OSBPL9: variants seen among roughly 807,000 people sequenced by gnomAD.
OSBPL9 encodes the protein oxysterol binding protein like 9.
In OSBPL9, 40 loss-of-function variants were observed where a neutral mutation model predicts 106.6. The observed-to-expected ratio is 0.38, with a 90% CI of 0.29 to 0.49. The LOEUF is 0.49. Among genes scored for constraint, OSBPL9 ranks in the 20% least tolerant of loss-of-function variants. The pLI, the probability that OSBPL9 is intolerant of heterozygous loss-of-function variation, is 0.97. For synonymous variants in OSBPL9, 269 were observed against 295.4 expected (o/e 0.91, Z 0.92); for missense variants, 609 against 887.2 (o/e 0.69, Z 3.98).
the OSBPL9 span, among the ~76,000 whole-genome samples, chr1:51,557,213 C>T: frequency 6.6e-6 from 1 of 152,170 alleles, no homozygotes; most frequent in South Asian, 2.1e-4. Flanking sequence ...TTACATTACC[C>T]AACCAACCTT....
At position 51,684,814 on chromosome 1, in the gene OSBPL9, G is replaced by A. The variant is rs182930798; in HGVS notation, c.241+15302G>A. On this transcript the variant is annotated intron_variant, in intron 3 of 23. Coordinates refer to ENST00000428468, the MANE Select transcript of OSBPL9 (RefSeq NM_024586.6). Reference sequence around the variant, plus strand: ...CTCCCAAAGTGTTGGGATTATAGGCGTGAGCCACCGCGCCTGGCCAAGAAA... The same window carrying A: ...CTCCCAAAGTGTTGGGATTATAGGCATGAGCCACCGCGCCTGGCCAAGAAA... Among the ~76,000 whole-genome samples, 40 of 152,272 alleles carry A rather than the reference G, an allele frequency of 2.6e-4. No individual in the cohort carries two copies. In the East Asian group the frequency reaches 5.4e-3, roughly 21 times the overall value.
intron 19 of OSBPL9, 40 bp downstream of exon 19, chr1:51,784,367 C>T (rs1410144645): frequency 1.2e-6 from 2 of 1,610,218 alleles, no homozygotes; most frequent in Non-Finnish European, 1.7e-6. Context: ...GTAGACTCTG[C>T]TGTTCCTTGA....
chr1:51,707,999 C>CA, intron 3 of OSBPL9: 2 of 244,844 alleles, frequency 8.2e-6, no homozygotes, highest in South Asian at 1.3e-4. Flanking sequence ...TGGGTGGAGT[C>CA]ATACTGGAAC....
intron 1 of OSBPL9, among the ~76,000 whole-genome samples, chr1:51,645,180 T>G (rs1391646742): frequency 6.6e-6 from 1 of 152,226 alleles, no homozygotes; most frequent in Non-Finnish European, 1.5e-5. Context: ...TGTTATAAAT[T>G]ATGCAGTCTC....
chr1:51,566,881 G>A, the OSBPL9 span, among the ~76,000 whole-genome samples: 1 of 152,240 alleles, frequency 6.6e-6, no homozygotes, highest in Non-Finnish European at 1.5e-5. Flanking sequence ...CATGAGGCCT[G>A]CCCCAGAGGA....
chr1:51,595,375 A>G (rs964466407), intron 1 of OSBPL9, among the ~76,000 whole-genome samples: 1 of 151,864 alleles, frequency 6.6e-6, no homozygotes, highest in Non-Finnish European at 1.5e-5. Context: ...CCTTCCATCC[A>G]TCCATCCTTC....
chr1:51,601,375 C>G (rs750850033), intron 2 of OSBPL9, among the ~76,000 whole-genome samples: 5 of 150,746 alleles, frequency 3.3e-5, no homozygotes, highest in Non-Finnish European at 7.4e-5. Context: ...GACAGTTTGT[C>G]TGTGGTTCTG....
At chr1:51,592,189 A>G (rs1001267094) in intron 1 of OSBPL9, among the ~76,000 whole-genome samples, 2 of 131,216 alleles carry the variant, frequency 1.5e-5, no homozygotes, top group African/African-American at 3.0e-5. Flanking sequence ...ATCTCGGCTC[A>G]CTGCAAGCTC....
At position 51,776,813 on chromosome 1, in the gene OSBPL9, C is replaced by G; in HGVS notation, c.1171-20C>G. On this transcript the variant is annotated intron_variant, in intron 14 of 23. Coordinates refer to ENST00000428468, the MANE Select transcript of OSBPL9 (RefSeq NM_024586.6). ...GAAGAGAAATTTGATCTTCAAGGGT[C>G]AAATGTGTATGTTTTTCAGGTAGTT... 2 of 1,515,648 alleles carry G rather than the reference C, an allele frequency of 1.3e-6. No individual in the cohort carries two copies. Among genetic ancestry groups the G allele is most frequent in the Non-Finnish European group, 1.8e-6 (2 of 1,092,892 alleles). The allele number at this position is 1,515,648 out of a possible 1,614,324, so 93.9% of individuals were successfully genotyped here.
chr1:51,727,847 TTAAA>T (rs1663409730), intron 4 of OSBPL9, among the ~76,000 whole-genome samples: 1 of 151,988 alleles, frequency 6.6e-6, no homozygotes, highest in African/African-American at 2.4e-5. Context: ...CTAAAAAAAT[TTAAA>T]TAAATAACTA....
upstream of OSBPL9, among the ~76,000 whole-genome samples, chr1:51,616,403 C>T (rs1644060268): frequency 6.6e-6 from 1 of 152,168 alleles, no homozygotes; most frequent in Non-Finnish European, 1.5e-5. Flanking sequence ...CCTTGTTGAT[C>T]CCTCAAGATG....
At chr1:51,526,376 G>A in the OSBPL9 span, among the ~76,000 whole-genome samples, 94 of 152,284 alleles carry the variant, frequency 6.2e-4, no homozygotes, top group African/African-American at 2.2e-3. Context: ...GGTGGAAGGG[G>A]TGTTAGAAAA....
chr1:51,649,546 C>G (rs1170416462), intron 1 of OSBPL9, among the ~76,000 whole-genome samples: 1 of 152,056 alleles, frequency 6.6e-6, no homozygotes, highest in Non-Finnish European at 1.5e-5. Flanking sequence ...ATGGCCTTTC[C>G]CCCACTACCT....
chr1:51,650,000 C>T (rs774544061), intron 1 of OSBPL9, among the ~76,000 whole-genome samples: 1 of 151,902 alleles, frequency 6.6e-6, no homozygotes, highest in Non-Finnish European at 1.5e-5. Flanking sequence ...TCTCAGCCTC[C>T]TGAGAGCTGG....
At chr1:51,673,681 G>C (rs1650469901) in intron 3 of OSBPL9, among the ~76,000 whole-genome samples, 1 of 152,132 alleles carries the variant, frequency 6.6e-6, no homozygotes, top group Non-Finnish European at 1.5e-5. Context: ...ATAATAGGGA[G>C]GAAAATGGAC....
At chr1:51,530,057 G>C in the OSBPL9 span, among the ~76,000 whole-genome samples, 1 of 150,888 alleles carries the variant, frequency 6.6e-6, no homozygotes, top group Non-Finnish European at 1.5e-5. Context: ...TGTAGTCCCA[G>C]CTACTTGGGA....
intron 2 of OSBPL9, 116 bp downstream of exon 2, chr1:51,652,157 A>G: frequency 1.4e-6 from 1 of 713,176 alleles, no homozygotes; most frequent in East Asian, 2.9e-5. Context: ...TGGGGCAGGT[A>G]TCTAAGTCTC....
chr1:51,540,711 C>T, the OSBPL9 span, among the ~76,000 whole-genome samples: 1 of 150,724 alleles, frequency 6.6e-6, no homozygotes, highest in Non-Finnish European at 1.5e-5. Flanking sequence ...TGTAATCCAG[C>T]ACTTTGGGAG....
intron 2 of OSBPL9, among the ~76,000 whole-genome samples, chr1:51,601,852 G>A (rs898262614): frequency 6.6e-6 from 1 of 152,030 alleles, no homozygotes; most frequent in Non-Finnish European, 1.5e-5. Flanking sequence ...GGGCAATTTT[G>A]TGCAGAAGGT....
Sources: gnomAD v4.1 joint callset for allele counts (sites outside exome capture counted in the v4.1 genomes callset) on GRCh38, gnomAD v4.1.1 for gene constraint, MANE v1.5 for transcripts, NCBI Gene and HGNC (gene_info 2026-07-23, HGNC 2026-07-21) for gene names.